The following RIMS2 variants were observed in gnomAD, a reference collection of about 807,000 sequenced individuals.
RIMS2 encodes the protein regulating synaptic membrane exocytosis protein 2.
A neutral mutation model predicts 174.4 loss-of-function variants in RIMS2; 59 were observed. The ratio of observed to expected loss-of-function variants is 0.34; its 90% CI spans 0.27 to 0.42. The LOEUF (loss-of-function observed/expected upper bound fraction) is 0.42. Ranked by LOEUF, RIMS2 falls within the 10% of genes least tolerant of loss-of-function variation. The probability of loss-of-function intolerance (pLI) is 1.00; values close to 1 mark genes in which losing one functional copy is unlikely to be tolerated. For missense variants in RIMS2, 1,620 were observed against 1,666.3 expected (o/e 0.97, Z 0.48); for synonymous variants, 606 against 572.5 (o/e 1.06, Z -0.84).
intron 3 of RIMS2, among the ~76,000 whole-genome samples, chr8:103,843,541 T>C (rs1163267184): frequency 1.3e-5 from 2 of 152,230 alleles, no homozygotes; most frequent in Non-Finnish European, 2.9e-5. Context: ...TGAGACTTTT[T>C]CCTCATATTC....
intron 19 of RIMS2, among the ~76,000 whole-genome samples, chr8:104,116,685 G>A (rs1049033830): frequency 6.6e-6 from 1 of 152,002 alleles, no homozygotes; most frequent in Non-Finnish European, 1.5e-5. Context: ...AAAGATGATG[G>A]TTTCAATTTT....
At chr8:104,251,613 G>C (rs759440489) in exon 24 of RIMS2, 2 of 1,592,916 alleles carry the variant, frequency 1.3e-6, no homozygotes, top group East Asian at 4.5e-5. Context: ...TCATCGTCTG[G>C]GGAGATTATG....
intron 1 of RIMS2, among the ~76,000 whole-genome samples, chr8:103,546,124 T>G (rs952027642): frequency 6.6e-6 from 1 of 152,098 alleles, no homozygotes; most frequent in Admixed American, 6.5e-5. Context: ...TTGTATGTTG[T>G]CTACAAGAGA....
intron 1 of RIMS2, among the ~76,000 whole-genome samples, chr8:103,657,771 A>G (rs964017419): frequency 9.9e-5 from 15 of 152,188 alleles, no homozygotes; most frequent in Admixed American, 6.5e-5. Flanking sequence ...TCATTGGTTA[A>G]CACAGCTCAG....
intron 19 of RIMS2, among the ~76,000 whole-genome samples, chr8:104,190,916 T>C (rs1762097039): frequency 6.8e-6 from 1 of 147,254 alleles, no homozygotes; most frequent in African/African-American, 2.5e-5. Context: ...AATGACAAAT[T>C]TAATTCTTCT....
chr8:103,587,469 A>AAAGAAAGAAAG lies in RIMS2; in HGVS notation c.176+86409_176+86410insGAAAGAAAGAA, dbSNP rs59840606. On this transcript the variant is annotated intron_variant, in intron 1 of 23. Transcript: ENST00000504942. ...GAAAGAAAGAAAGAAAGAAAGAAAG[A>AAAGAAAGAAAG]AACTATGCACCAATATTTCTGATGA... Among the ~76,000 whole-genome samples the AAAGAAAGAAAG allele has an allele frequency of 2.3e-3, 135 of 59,950 alleles. 4 individuals are homozygous for AAAGAAAGAAAG. The highest frequency in any genetic ancestry group is 4.6e-3 in the Non-Finnish European group (119 of 25,840). The allele number at this position is 59,950 out of a possible 152,430, so 39.3% of individuals were successfully genotyped here.
rs989314358 is a variant in RIMS2 at position 104,248,574 on chromosome 8, C to T, written c.3477-127C>T. 4 of 635,588 alleles carry T rather than the reference C, an allele frequency of 6.3e-6. No individual in the cohort carries two copies. The Admixed American group carries it at 7.7e-5, about 12-fold the overall frequency. The allele number at this position is 635,588 out of a possible 1,614,324, so 39.4% of individuals were successfully genotyped here. A position where few individuals can be genotyped will look rare whatever the true frequency, so the allele number is the denominator to read the frequency against. ...GGGAGGTGGAACTGGGTATTTGGATCCAGTAAATATAAGTGACAAAATAAT... is the reference window on the plus strand; with the variant it reads ...GGGAGGTGGAACTGGGTATTTGGATTCAGTAAATATAAGTGACAAAATAAT... On this transcript the variant is annotated intron_variant, in intron 20 of 23. Transcript: ENST00000504942.
intron 19 of RIMS2, among the ~76,000 whole-genome samples, chr8:104,212,344 G>C (rs7005827): frequency 0.42 from 63,079 of 151,946 alleles, 13,625 homozygotes; most frequent in East Asian, 0.65. Flanking sequence ...GATAGAAGAG[G>C]TGAAGTCAGC....
At chr8:104,176,253 T>C (rs1171856998) in intron 19 of RIMS2, among the ~76,000 whole-genome samples, 2 of 152,194 alleles carry the variant, frequency 1.3e-5, no homozygotes, top group Non-Finnish European at 2.9e-5. Flanking sequence ...CTGTGGCTTT[T>C]TTCCTGTCTT....
At chr8:103,784,308 A>G (rs1278697498) in intron 3 of RIMS2, among the ~76,000 whole-genome samples, 9 of 150,142 alleles carry the variant, frequency 6.0e-5, no homozygotes, top group East Asian at 2.0e-4. Flanking sequence ...TTTTGTTGCC[A>G]TTGCTTTTGG....
intron 1 of RIMS2, among the ~76,000 whole-genome samples, chr8:103,505,867 T>C (rs1470348067): frequency 6.6e-6 from 1 of 152,152 alleles, no homozygotes; most frequent in African/African-American, 2.4e-5. Flanking sequence ...GTTACAGCCA[T>C]TTGTATTCCC....
chr8:103,858,473 G>A (rs1030718588), intron 3 of RIMS2, among the ~76,000 whole-genome samples: 2 of 151,822 alleles, frequency 1.3e-5, no homozygotes, highest in Non-Finnish European at 2.9e-5. Flanking sequence ...AGTTAAGGAG[G>A]ACCTTAGCAA....
intron 2 of RIMS2, among the ~76,000 whole-genome samples, chr8:103,747,916 T>C (rs2097842353): frequency 1.3e-5 from 2 of 152,292 alleles, no homozygotes; most frequent in Admixed American, 6.5e-5. Context: ...TGTTGTGATA[T>C]AGTTTATCTT....
intron 19 of RIMS2, among the ~76,000 whole-genome samples, chr8:104,101,517 T>C (rs1054663595): frequency 6.6e-6 from 1 of 152,180 alleles, no homozygotes; most frequent in Non-Finnish European, 1.5e-5. Context: ...ATTTGAGGTG[T>C]AAAATGTGAT....
intron 1 of RIMS2, chr8:103,652,217 A>G (rs1589729696): frequency 7.4e-7 from 1 of 1,349,262 alleles, no homozygotes; most frequent in East Asian, 4.6e-5. Context: ...TCAAAGAAGA[A>G]CACAAACCAC....
At chr8:103,575,679 C>CATATATAT (rs112166531) in intron 1 of RIMS2, among the ~76,000 whole-genome samples, 4,763 of 140,838 alleles carry the variant, frequency 0.034, 119 homozygotes, top group East Asian at 0.14. Context: ...CATACACACA[C>CATATATAT]ACACACATAT....
At chr8:103,781,665 G>C (rs1336042504) in intron 3 of RIMS2, among the ~76,000 whole-genome samples, 1 of 149,960 alleles carries the variant, frequency 6.7e-6, no homozygotes, top group African/African-American at 2.5e-5. Context: ...TAAATTTTAA[G>C]ACTCCTCAGT....
chr8:103,662,512 G>A (rs748039501), intron 1 of RIMS2, among the ~76,000 whole-genome samples: 7 of 151,336 alleles, frequency 4.6e-5, no homozygotes, highest in Non-Finnish European at 8.8e-5. Context: ...TACTTTTTTT[G>A]TTCAAGCAGA....
chr8:103,905,516 C>T (rs1165534537), intron 4 of RIMS2, among the ~76,000 whole-genome samples: 1 of 151,726 alleles, frequency 6.6e-6, no homozygotes, highest in Non-Finnish European at 1.5e-5. Flanking sequence ...TAAGATATTT[C>T]GTTTTTAGTT....
Sources: gnomAD v4.1 joint callset for allele counts (sites outside exome capture counted in the v4.1 genomes callset) on GRCh38, gnomAD v4.1.1 for gene constraint, MANE v1.5 for transcripts, NCBI Gene and HGNC (gene_info 2026-07-23, HGNC 2026-07-21) for gene names.